GSE1: variants seen among roughly 807,000 people sequenced by gnomAD.
GSE1 encodes Gse1 coiled-coil protein.
In GSE1, 32 loss-of-function variants were observed where a neutral mutation model predicts 112.6. That is an observed-to-expected ratio of 0.28 (90% confidence interval 0.21 to 0.38). The LOEUF is 0.38. Ranked by LOEUF, GSE1 falls within the 10% of genes least tolerant of loss-of-function variation. The pLI is 1.00. For missense variants in GSE1, 2,348 were observed against 1,699.2 expected (o/e 1.38, Z -6.71); for synonymous variants, 1,115 against 735.6 (o/e 1.52, Z -8.35).
chr16:85,180,813 G>T (rs1316984554), intron 1 of GSE1, among the ~76,000 whole-genome samples: 4 of 152,196 alleles, frequency 2.6e-5, no homozygotes, highest in Non-Finnish European at 5.9e-5. Context: ...CCTCCCTGGA[G>T]AAGGGGTATC....
intron 1 of GSE1, among the ~76,000 whole-genome samples, chr16:85,590,775 G>A (rs1344366045): frequency 2.0e-5 from 3 of 152,164 alleles, no homozygotes; most frequent in Admixed American, 6.5e-5. Flanking sequence ...GCTCCCGCCC[G>A]GCCACGCTGC....
chr16:85,353,887 C>G (rs1567707557), intron 1 of GSE1, among the ~76,000 whole-genome samples: 1 of 152,250 alleles, frequency 6.6e-6, no homozygotes, highest in Non-Finnish European at 1.5e-5. Context: ...CCACGAGCCC[C>G]TTGAGGAAGA....
upstream of GSE1, chr16:85,613,085 C>T (rs2048099451): frequency 1.4e-6 from 1 of 693,360 alleles, no homozygotes; most frequent in Non-Finnish European, 2.1e-6. Context: ...CGGGTGGATC[C>T]GGGCGCCCGT....
At chr16:85,357,450 C>G in intron 1 of GSE1, 7 of 1,206,704 alleles carry the variant, frequency 5.8e-6, no homozygotes, top group Non-Finnish European at 5.3e-6. Flanking sequence ...GTGTCCACCT[C>G]TTTTCCTTTC....
intron 2 of GSE1, among the ~76,000 whole-genome samples, chr16:85,439,364 G>C (rs895488846): frequency 6.6e-6 from 1 of 152,248 alleles, no homozygotes; most frequent in African/African-American, 2.4e-5. Flanking sequence ...GGCAAGATGA[G>C]GCCTTGATTC....
chr16:85,616,875 G>T (rs372057570), intron 1 of GSE1, among the ~76,000 whole-genome samples: 88 of 152,304 alleles, frequency 5.8e-4, no homozygotes, highest in African/African-American at 1.8e-3. Context: ...ATCCAGCCGT[G>T]TGCTTGCTGC....
intron 14 of GSE1, 95 bp downstream of exon 14, chr16:85,668,519 G>C: frequency 1.2e-6 from 1 of 834,034 alleles, no homozygotes; most frequent in South Asian, 1.7e-5. Flanking sequence ...CTGCCAGCCT[G>C]GGGACTGTTT....
At chr16:85,612,616 C>T (rs1282435198), upstream of GSE1, among the ~76,000 whole-genome samples, 2 of 147,878 alleles carry the variant, frequency 1.4e-5, no homozygotes, top group Non-Finnish European at 3.0e-5. Flanking sequence ...TTACTTAAAA[C>T]TGGGGGGTGG....
chr16:85,186,988 G>C (rs1444958504), intron 1 of GSE1, among the ~76,000 whole-genome samples: 1 of 152,222 alleles, frequency 6.6e-6, no homozygotes, highest in Non-Finnish European at 1.5e-5. Flanking sequence ...TGATTTGGTG[G>C]GGTCTGGATG....
chr16:85,554,064 C>T (rs1035943213), upstream of GSE1, among the ~76,000 whole-genome samples: 3 of 152,000 alleles, frequency 2.0e-5, no homozygotes, highest in Non-Finnish European at 2.9e-5. Context: ...AGTCGTGATT[C>T]CGGCTGGTTG....
chr16:85,222,408 G>A (rs1295149761), intron 1 of GSE1, among the ~76,000 whole-genome samples: 1 of 152,238 alleles, frequency 6.6e-6, no homozygotes, highest in Non-Finnish European at 1.5e-5. Flanking sequence ...TGCGTGAAAT[G>A]GGGTCGGCAC....
intron 2 of GSE1, among the ~76,000 whole-genome samples, chr16:85,446,552 G>A (rs1242836416): frequency 1.3e-5 from 2 of 152,188 alleles, no homozygotes; most frequent in Non-Finnish European, 2.9e-5. Context: ...CGATGACCGG[G>A]CTCATGTGGA....
intron 2 of GSE1, among the ~76,000 whole-genome samples, chr16:85,417,618 C>T (rs1053886821): frequency 3.9e-5 from 6 of 152,306 alleles, no homozygotes; most frequent in Admixed American, 6.5e-5. Context: ...TGGCCCAGGC[C>T]GCTTTGGCTG....
intron 1 of GSE1, among the ~76,000 whole-genome samples, chr16:85,217,296 T>C (rs1030632561): frequency 2.0e-5 from 3 of 152,220 alleles, no homozygotes; most frequent in Non-Finnish European, 4.4e-5. Context: ...GGACGGGATG[T>C]GCCTCTCAGA....
At chr16:85,660,105 C>T (rs2052307480) in intron 8 of GSE1, among the ~76,000 whole-genome samples, 2 of 152,218 alleles carry the variant, frequency 1.3e-5, no homozygotes, top group South Asian at 4.1e-4. Flanking sequence ...TGTCATGTGT[C>T]CCTACAAGGC....
At chr16:85,423,503 G>C (rs1277558736) in intron 2 of GSE1, among the ~76,000 whole-genome samples, 1 of 152,230 alleles carries the variant, frequency 6.6e-6, no homozygotes, top group Admixed American at 6.5e-5. Context: ...GGCGATTCCA[G>C]TGTGCAGCCA....
intron 2 of GSE1, among the ~76,000 whole-genome samples, chr16:85,478,846 T>G (rs1355537552): frequency 1.9e-4 from 1 of 5,334 alleles, no homozygotes; most frequent in African/African-American, 6.8e-4. Flanking sequence ...TTATTTTCTT[T>G]CTTTCTTTCT....
intron 3 of GSE1, among the ~76,000 whole-genome samples, chr16:85,649,879 T>C (rs2051189340): frequency 6.6e-6 from 1 of 152,160 alleles, no homozygotes; most frequent in Admixed American, 6.5e-5. Flanking sequence ...GTCTGCCCTC[T>C]ATCCCCAGAG....
At chr16:85,301,145 G>T (rs570866918) in intron 1 of GSE1, among the ~76,000 whole-genome samples, 1 of 152,302 alleles carries the variant, frequency 6.6e-6, no homozygotes, top group South Asian at 2.1e-4. Context: ...ATCACATGGC[G>T]CCGTGGTGGT....
Sources: gnomAD v4.1 joint callset for allele counts (sites outside exome capture counted in the v4.1 genomes callset) on GRCh38, gnomAD v4.1.1 for gene constraint, MANE v1.5 for transcripts, NCBI Gene and HGNC (gene_info 2026-07-23, HGNC 2026-07-21) for gene names.